Variants in ZNF292 observed in about 807,000 individuals in gnomAD.
ZNF292 encodes 16 zinc-finger domain protein.
Under a neutral mutation model 217.9 loss-of-function variants are expected in ZNF292, and 26 were observed. The ratio of observed to expected loss-of-function variants is 0.12; its 90% CI spans 0.09 to 0.17. The LOEUF (loss-of-function observed/expected upper bound fraction) is 0.17, where lower values mean the gene tolerates loss of function less well. Ranked by LOEUF, ZNF292 falls within the 10% of genes least tolerant of loss-of-function variation. The pLI is 1.00. For missense variants in ZNF292, 2,904 were observed against 3,175.2 expected (o/e 0.91, Z 2.05); for synonymous variants, 1,257 against 1,124.1 (o/e 1.12, Z -2.37).
intron 1 of ZNF292, among the ~76,000 whole-genome samples, chr6:87,178,336 T>G (rs564297663): frequency 6.6e-6 from 1 of 152,330 alleles, no homozygotes; most frequent in East Asian, 1.9e-4. Flanking sequence ...ATAGGTGGTT[T>G]CAATTTTTGG....
intron 1 of ZNF292, among the ~76,000 whole-genome samples, chr6:87,158,576 A>T (rs1357478390): frequency 6.6e-6 from 1 of 152,206 alleles, no homozygotes; most frequent in African/African-American, 2.4e-5. Flanking sequence ...TACGAGGCTG[A>T]GGTGGGAGGA....
chr6:87,182,465 A>G (rs980697703), intron 1 of ZNF292, among the ~76,000 whole-genome samples: 1 of 152,216 alleles, frequency 6.6e-6, no homozygotes, highest in Non-Finnish European at 1.5e-5. Context: ...AGGCTCGGGT[A>G]AAAGAAAAGC....
chr6:87,221,141 GA>G (rs1773065367), intron 4 of ZNF292, among the ~76,000 whole-genome samples: 1 of 152,092 alleles, frequency 6.6e-6, no homozygotes, highest in Non-Finnish European at 1.5e-5. Flanking sequence ...GCTCAACTGA[GA>G]AATACTCTTT....
intron 1 of ZNF292, among the ~76,000 whole-genome samples, chr6:87,175,366 G>A (rs1433867431): frequency 1.3e-5 from 2 of 151,758 alleles, no homozygotes; most frequent in African/African-American, 4.8e-5. Context: ...TTTTGAGTTG[G>A]GGTCTCACTT....
intron 1 of ZNF292, among the ~76,000 whole-genome samples, chr6:87,168,863 C>T (rs1770999654): frequency 6.6e-6 from 1 of 152,066 alleles, no homozygotes; most frequent in African/African-American, 2.4e-5. Flanking sequence ...CAGGACCCCC[C>T]TTAGATTCCA....
chr6:87,258,765 C>T lies in ZNF292; in HGVS notation c.5136C>T (p.Ser1712=), dbSNP rs985554371. The T allele has an allele frequency of 8.7e-6, 14 of 1,613,402 alleles. No homozygotes were observed. Among genetic ancestry groups the T allele is most frequent in the Non-Finnish European group, 1.2e-5 (14 of 1,179,706 alleles). The change falls in exon 8 of 8, where the codon TCC becomes TCT. Residue 1712 remains serine, a synonymous_variant. Coordinates refer to ENST00000369577, the MANE Select transcript of ZNF292 (RefSeq NM_015021.3). ...AGAATTTCAAAACCAGTCTTGAGTC[C>T]CATACAGTGTTAGCCCCTTTAACAT... is the stretch of plus-strand genomic sequence containing the variant. ...VKENFKTSLE[S]HTVLAPLTLK... is the part of the protein sequence containing the mutation.
rs1562191696 is a variant in ZNF292 at position 87,259,436 on chromosome 6, A to T, written c.5807A>T (p.Glu1936Val). Residue 1936 changes from glutamate to valine, a missense_variant, in exon 8 of 8, where the codon GAA (glutamate) becomes GTA (valine). Glu to Val is a moderately radical substitution (Grantham distance 121). Coordinates refer to ENST00000369577, the MANE Select transcript of ZNF292 (RefSeq NM_015021.3). ...IHQYTPEMIL[E>V]IKKNQLKFAP... ...CAATACACTCCAGAAATGATTCTTG[A>T]AATTAAGAAGAATCAATTGAAATTT... 6.3e-7 allele frequency: 1 copy of T among 1,594,844 alleles called. No individual in the cohort carries two copies. The highest frequency in any genetic ancestry group is 2.3e-5 in the East Asian group (1 of 44,320).
intron 1 of ZNF292, among the ~76,000 whole-genome samples, chr6:87,169,233 G>T (rs1255981519): frequency 1.3e-5 from 2 of 151,878 alleles, no homozygotes; most frequent in African/African-American, 4.8e-5. Context: ...TGAAGACGGG[G>T]TTTCACCACG....
chr6:87,211,218 G>T (rs746803082), intron 1 of ZNF292, among the ~76,000 whole-genome samples: 10 of 151,992 alleles, frequency 6.6e-5, no homozygotes, highest in Non-Finnish European at 7.4e-5. Context: ...TTCTGTTTTT[G>T]GTTTACTCTA....
chr6:87,163,883 A>G (rs1259990826), intron 1 of ZNF292, among the ~76,000 whole-genome samples: 1 of 152,152 alleles, frequency 6.6e-6, no homozygotes, highest in Non-Finnish European at 1.5e-5. Context: ...ATAGATTAAA[A>G]CCAGACTAAG....
chr6:87,169,235 T>G (rs1277944169), intron 1 of ZNF292, among the ~76,000 whole-genome samples: 2 of 152,018 alleles, frequency 1.3e-5, no homozygotes, highest in Non-Finnish European at 2.9e-5. Context: ...AAGACGGGGT[T>G]TCACCACGTT....
intron 1 of ZNF292, among the ~76,000 whole-genome samples, chr6:87,199,775 T>G (rs1382156746): frequency 6.6e-6 from 1 of 152,242 alleles, no homozygotes; most frequent in Non-Finnish European, 1.5e-5. Context: ...CATCAAAAAG[T>G]CACTTATACA....
intron 1 of ZNF292, 36 bp from the exon 2 acceptor site, chr6:87,215,855 TATTTTGATTTAC>T: frequency 6.9e-7 from 1 of 1,446,814 alleles, no homozygotes; most frequent in Non-Finnish European, 9.3e-7. Flanking sequence ...AGTCAATGTA[TATTTTGATTTAC>T]ATTTTGAATA....
At chr6:87,251,803 T>G (rs1366893225) in intron 7 of ZNF292, among the ~76,000 whole-genome samples, 1 of 152,218 alleles carries the variant, frequency 6.6e-6, no homozygotes, top group Non-Finnish European at 1.5e-5. Context: ...AAATATAGTT[T>G]CTTTTGTTTC....
At position 87,246,920 on chromosome 6, in the gene ZNF292, C is replaced by T. The variant is rs1774619456; in HGVS notation, c.1020+1276C>T. Among the ~76,000 whole-genome samples, 5 of 152,082 alleles carry T rather than the reference C, an allele frequency of 3.3e-5. No homozygotes were observed. The South Asian group carries it at 1.0e-3, about 32-fold the overall frequency. ...CTGTAATCCCAGCATTTTGGGAGGC[C>T]AAGGCGGGTGGATCACATAAGCCCA... On this transcript the variant is annotated intron_variant, in intron 7 of 7. Transcript: ENST00000369577.
chr6:87,163,247 C>T (rs916860955), intron 1 of ZNF292, among the ~76,000 whole-genome samples: 1 of 152,048 alleles, frequency 6.6e-6, no homozygotes, highest in Admixed American at 6.5e-5. Flanking sequence ...GTCAGGAGAG[C>T]GAGACCATCC....
rs1466354857 is a variant in ZNF292, at chr6:87,265,411, C to T, written c.*3610C>T. ...GCTGATTTTATATTTTTAGTAGAGA[C>T]GGTTTCACCATGTTGGCCAGGCTGG... On this transcript the variant is annotated 3_prime_UTR_variant, in exon 8 of 8. Coordinates refer to ENST00000369577, the MANE Select transcript of ZNF292 (RefSeq NM_015021.3). Among the ~76,000 whole-genome samples, 1 of 152,050 alleles carries T rather than the reference C, an allele frequency of 6.6e-6. No individual in the cohort carries two copies. The highest frequency in any genetic ancestry group is 1.5e-5 in the Non-Finnish European group (1 of 67,988).
chr6:87,208,305 T>G lies in ZNF292; in HGVS notation c.169-7598T>G, dbSNP rs144744067. ...CATTCCTAAAATTCATGTTCTTAGG[T>G]TCTAGAAAATTAATTTGAATTAAAT... On this transcript the variant is annotated intron_variant, in intron 1 of 7. Coordinates refer to ENST00000369577, the MANE Select transcript of ZNF292 (RefSeq NM_015021.3). 1.8e-4 allele frequency among the ~76,000 whole-genome samples: 28 copies of G among 152,280 alleles called. 1 individual carries two copies. In the East Asian group the frequency reaches 5.4e-3, roughly 29 times the overall value.
rs1775298355 is a variant in ZNF292 at position 87,257,566 on chromosome 6, G to T, written c.3937G>T (p.Gly1313Cys). 1 of 1,606,654 alleles carries T rather than the reference G, an allele frequency of 6.2e-7. No individual in the cohort carries two copies. Among genetic ancestry groups the T allele is most frequent in the East Asian group, 2.2e-5 (1 of 44,754 alleles). The change falls in exon 8 of 8, where the codon GGT becomes TGT. Residue 1313 changes from glycine to cysteine, a missense_variant. Transcript: ENST00000369577. ...GNTNSSFLKG[G>C]NGENAVFPSQ... ...CACTAATTCCTCCTTTCTAAAGGGG[G>T]GTAATGGTGAAAATGCAGTTTTTCC...
Sources: gnomAD v4.1 joint callset for allele counts (sites outside exome capture counted in the v4.1 genomes callset) on GRCh38, gnomAD v4.1.1 for gene constraint, MANE v1.5 for transcripts, NCBI Gene and HGNC (gene_info 2026-07-23, HGNC 2026-07-21) for gene names.